The following ESR1 variants were observed in gnomAD, a reference collection of about 807,000 sequenced individuals.
ESR1 encodes the protein estrogen receptor.
Under a neutral mutation model 52.7 loss-of-function variants are expected in ESR1, and 12 were observed. That is an observed-to-expected ratio of 0.23 (90% CI 0.15 to 0.37). The LOEUF (loss-of-function observed/expected upper bound fraction) is 0.37, where lower values mean the gene tolerates loss of function less well. Among genes scored for constraint, ESR1 ranks in the 10% least tolerant of loss-of-function variants. The pLI, the probability that ESR1 is intolerant of heterozygous loss-of-function variation, is 1.00. For synonymous variants in ESR1, 305 were observed against 316.8 expected (o/e 0.96, Z 0.39); for missense variants, 584 against 779.7 (o/e 0.75, Z 2.99).
intron 2 of ESR1, among the ~76,000 whole-genome samples, chr6:151,758,775 AAAG>A (rs1163992244): frequency 1.4e-5 from 2 of 148,062 alleles, no homozygotes; most frequent in Admixed American, 6.7e-5. Context: ...AAAAAAAAAA[AAAG>A]AAGAAGGAGA....
At chr6:152,093,821 C>T (rs2050397719) in intron 6 of ESR1, among the ~76,000 whole-genome samples, 1 of 152,172 alleles carries the variant, frequency 6.6e-6, no homozygotes, top group African/African-American at 2.4e-5. Context: ...GTCACTTAGC[C>T]AATCGCTCAT....
chr6:151,761,004 G>A (rs1784620427), intron 2 of ESR1, among the ~76,000 whole-genome samples: 1 of 152,010 alleles, frequency 6.6e-6, no homozygotes, highest in South Asian at 2.1e-4. Flanking sequence ...TTATGGCTAA[G>A]GATGTTACTT....
intron 4 of ESR1, among the ~76,000 whole-genome samples, chr6:151,951,401 C>T (rs1366392810): frequency 6.6e-6 from 1 of 152,054 alleles, no homozygotes; most frequent in East Asian, 1.9e-4. Flanking sequence ...TTGGCCTACT[C>T]GTTTGATTAT....
intron 2 of ESR1, among the ~76,000 whole-genome samples, chr6:151,770,849 TAATTGGTTTGA>T (rs1785454683): frequency 6.6e-6 from 1 of 152,126 alleles, no homozygotes; most frequent in Non-Finnish European, 1.5e-5. Flanking sequence ...GACCTGGAGA[TAATTGGTTTGA>T]CAATTTCAGT....
At chr6:151,689,820 C>G (rs1778832735), upstream of ESR1, among the ~76,000 whole-genome samples, 1 of 152,106 alleles carries the variant, frequency 6.6e-6, no homozygotes, top group South Asian at 2.1e-4. Flanking sequence ...GCATAAACCA[C>G]ACCAGACATG....
intron 3 of ESR1, among the ~76,000 whole-genome samples, chr6:151,898,951 GCTC>G (rs1562525880): frequency 6.6e-6 from 1 of 152,004 alleles, no homozygotes; most frequent in Non-Finnish European, 1.5e-5. Context: ...GGGCAGAGCG[GCTC>G]CTCACTTCCC....
chr6:152,028,776 T>G lies in ESR1; in HGVS notation c.1235+16982T>G, dbSNP rs564529653. 2.9e-4 allele frequency among the ~76,000 whole-genome samples: 44 copies of G among 152,330 alleles called. No individual in the cohort carries two copies. The South Asian group carries it at 9.1e-3, about 32-fold the overall frequency. ...CTCTGCAGACTGAAATGTCCCTGTC[T>G]GACAGCTTTGAAGACAGTAGTGGTT... On this transcript the variant is annotated intron_variant, in intron 5 of 7. Transcript: ENST00000206249.
Position 152,070,463 on chromosome 6 carries a change from T to C in ESR1, c.1369+9339T>C, listed in dbSNP as rs2128984687. ...TTTTTAATGAATTTTTCTTTCCCTG[T>C]AAGACATACTATGAATTGTTCAATG... On this transcript the variant is annotated intron_variant, in intron 6 of 7. Transcript: ENST00000206249. 1.4e-5 allele frequency among the ~76,000 whole-genome samples: 2 copies of C among 138,534 alleles called. 1 individual carries two copies. Among genetic ancestry groups the C allele is most frequent in the East Asian group, 4.6e-4 (2 of 4,326 alleles). 90.9% of individuals were successfully genotyped at this position (138,534 alleles called of 152,430 possible).
intron 2 of ESR1, among the ~76,000 whole-genome samples, chr6:151,711,474 G>A (rs1471593233): frequency 6.6e-6 from 1 of 152,190 alleles, no homozygotes; most frequent in Non-Finnish European, 1.5e-5. Context: ...ACCTGCCTTG[G>A]CCTCCCAAAG....
intron 4 of ESR1, among the ~76,000 whole-genome samples, chr6:151,974,019 G>A (rs1156675296): frequency 6.6e-6 from 1 of 152,172 alleles, no homozygotes; most frequent in African/African-American, 2.4e-5. Flanking sequence ...AGCAGCCATA[G>A]ATGATATGTA....
At chr6:151,954,424 T>A (rs1172118535) in intron 4 of ESR1, among the ~76,000 whole-genome samples, 3 of 152,168 alleles carry the variant, frequency 2.0e-5, no homozygotes, top group Non-Finnish European at 4.4e-5. Flanking sequence ...AAAGCAGAAG[T>A]GTGATTGCTA....
intron 4 of ESR1, among the ~76,000 whole-genome samples, chr6:151,947,190 A>G (rs923195252): frequency 1.1e-4 from 17 of 152,118 alleles, no homozygotes; most frequent in African/African-American, 4.1e-4. Flanking sequence ...TTGGTGGCAC[A>G]CATCCATAGT....
chr6:152,048,850 T>C (rs546223120), intron 5 of ESR1, among the ~76,000 whole-genome samples: 1 of 152,324 alleles, frequency 6.6e-6, no homozygotes, highest in East Asian at 1.9e-4. Flanking sequence ...CTCTCAGATA[T>C]ATAACATAGA....
downstream of ESR1, among the ~76,000 whole-genome samples, chr6:152,108,189 G>T (rs1005269326): frequency 1.6e-4 from 25 of 151,948 alleles, no homozygotes; most frequent in Admixed American, 5.9e-4. Flanking sequence ...GCTTGCCACG[G>T]CCACAACCTC....
At chr6:152,056,315 C>A (rs539824902) in intron 5 of ESR1, among the ~76,000 whole-genome samples, 1 of 152,284 alleles carries the variant, frequency 6.6e-6, no homozygotes, top group Admixed American at 6.5e-5. Context: ...TGAACAGCAT[C>A]TTAATTTGTT....
intron 6 of ESR1, among the ~76,000 whole-genome samples, chr6:152,118,566 G>A (rs1325059858): frequency 6.6e-6 from 1 of 150,882 alleles, no homozygotes; most frequent in Non-Finnish European, 1.5e-5. Flanking sequence ...CATAGACACA[G>A]GGAAGGGAGC....
chr6:151,866,497 G>C (rs765814999), intron 2 of ESR1, among the ~76,000 whole-genome samples: 1 of 151,940 alleles, frequency 6.6e-6, no homozygotes, highest in South Asian at 2.1e-4. Context: ...CCCCTGACAG[G>C]CCCCAGTGTG....
chr6:151,915,507 A>T (rs1445936667), intron 3 of ESR1, among the ~76,000 whole-genome samples: 1 of 152,206 alleles, frequency 6.6e-6, no homozygotes, highest in Non-Finnish European at 1.5e-5. Flanking sequence ...TCTACTAAAC[A>T]TGAACAGAAT....
At chr6:151,684,020 T>C (rs542318049) in intron 1 of ESR1, among the ~76,000 whole-genome samples, 4 of 152,172 alleles carry the variant, frequency 2.6e-5, no homozygotes, top group East Asian at 1.9e-4. Flanking sequence ...CTACGTGTCA[T>C]ACAATTCATT....
Sources: gnomAD v4.1 joint callset for allele counts (sites outside exome capture counted in the v4.1 genomes callset) on GRCh38, gnomAD v4.1.1 for gene constraint, MANE v1.5 for transcripts, NCBI Gene and HGNC (gene_info 2026-07-23, HGNC 2026-07-21) for gene names.